Variants in FOXP1 observed in about 807,000 individuals in gnomAD.
FOXP1 encodes forkhead box protein P1.
In FOXP1, 15 loss-of-function variants were observed where a neutral mutation model predicts 98.2. The ratio of observed to expected loss-of-function variants is 0.15; its 90% confidence interval spans 0.10 to 0.24. FOXP1 has a LOEUF of 0.24. FOXP1 is among the 10% of genes least tolerant of loss of function. FOXP1 has a pLI of 1.00. For missense variants in FOXP1, 633 were observed against 848.5 expected (o/e 0.75, Z 3.15); for synonymous variants, 371 against 314.5 (o/e 1.18, Z -1.90).
At chr3:71,229,859 G>T (rs946018228) in intron 5 of FOXP1, among the ~76,000 whole-genome samples, 14 of 152,120 alleles carry the variant, frequency 9.2e-5, no homozygotes, top group Non-Finnish European at 1.5e-4. Flanking sequence ...TGACAGAGGA[G>T]CCCATTCTGT....
At chr3:71,158,879 G>A (rs1323037759) in intron 6 of FOXP1, among the ~76,000 whole-genome samples, 1 of 151,980 alleles carries the variant, frequency 6.6e-6, no homozygotes, top group Non-Finnish European at 1.5e-5. Flanking sequence ...GCCAAGGTGG[G>A]TCATCACTTG....
At chr3:71,393,723 T>C (rs192297785) in intron 3 of FOXP1, among the ~76,000 whole-genome samples, 57 of 152,336 alleles carry the variant, frequency 3.7e-4, no homozygotes, top group African/African-American at 1.3e-3. Flanking sequence ...AGATAATCTT[T>C]TGAAAGGGTG....
intron 17 of FOXP1, among the ~76,000 whole-genome samples, chr3:70,973,441 A>C (rs1335131623): frequency 6.6e-6 from 1 of 152,212 alleles, no homozygotes; most frequent in East Asian, 1.9e-4. Context: ...TTATGGTTAA[A>C]AGTCCTTTCT....
chr3:70,967,687 GT>G (rs67711426), intron 19 of FOXP1, among the ~76,000 whole-genome samples: 22,058 of 60,426 alleles, frequency 0.37, 2,809 homozygotes, highest in African/African-American at 0.51. Flanking sequence ...ACTATTATTT[GT>G]TTTTTTTTTT....
At chr3:71,158,626 T>C (rs1221274582) in intron 6 of FOXP1, among the ~76,000 whole-genome samples, 1 of 142,266 alleles carries the variant, frequency 7.0e-6, no homozygotes, top group Non-Finnish European at 1.5e-5. Flanking sequence ...GTAAATAACA[T>C]AACAGAAGTA....
At chr3:71,435,019 T>C (rs1414135747) in intron 3 of FOXP1, among the ~76,000 whole-genome samples, 1 of 151,682 alleles carries the variant, frequency 6.6e-6, no homozygotes, top group Non-Finnish European at 1.5e-5. Flanking sequence ...TATTCAGCTT[T>C]ACGGCATGTC....
chr3:71,378,802 T>A (rs2079922431), intron 3 of FOXP1, among the ~76,000 whole-genome samples: 1 of 152,050 alleles, frequency 6.6e-6, no homozygotes, highest in African/African-American at 2.4e-5. Context: ...ATAAATTAAA[T>A]CTTATCATAT....
intron 3 of FOXP1, among the ~76,000 whole-genome samples, chr3:71,395,876 G>T (rs1393767992): frequency 6.6e-6 from 1 of 152,048 alleles, no homozygotes; most frequent in Non-Finnish European, 1.5e-5. Flanking sequence ...TAATGGGGGG[G>T]TTGGTTATGA....
intron 4 of FOXP1, among the ~76,000 whole-genome samples, chr3:71,326,096 CTT>C (rs2075674855): frequency 6.6e-6 from 1 of 152,106 alleles, no homozygotes; most frequent in African/African-American, 2.4e-5. Flanking sequence ...CCAAATTTCT[CTT>C]TTCGTTATAC....
intron 2 of FOXP1, among the ~76,000 whole-genome samples, chr3:71,553,619 G>T (rs958556585): frequency 7.9e-5 from 12 of 152,112 alleles, no homozygotes; most frequent in African/African-American, 2.9e-4. Context: ...AGTCTCAAAA[G>T]AAATTGTGTA....
intron 5 of FOXP1, among the ~76,000 whole-genome samples, chr3:71,246,473 C>G (rs2067760093): frequency 6.6e-6 from 1 of 152,292 alleles, no homozygotes; most frequent in East Asian, 1.9e-4. Context: ...AAGAGTTCCT[C>G]CCTAGCCTGG....
At chr3:71,210,144 C>A (rs2064343383) in intron 5 of FOXP1, among the ~76,000 whole-genome samples, 1 of 152,170 alleles carries the variant, frequency 6.6e-6, no homozygotes, top group Non-Finnish European at 1.5e-5. Context: ...AAGAAAGTAA[C>A]AAAAATTGTG....
rs67711426 is a variant in FOXP1, at chr3:70,967,687, GTT to G, written c.1723-1633_1723-1632del. Among the ~76,000 whole-genome samples, 80 of 61,340 alleles carry G rather than the reference GTT, an allele frequency of 1.3e-3. No individual in the cohort carries two copies. The East Asian group carries it at 0.017, about 13-fold the overall frequency. 40.2% of individuals were successfully genotyped at this position (61,340 alleles called of 152,430 possible). Reference sequence around the variant, plus strand: ...GCAGTTGCCAGAACTACTATTATTTGTTTTTTTTTTTTGTTTTTTTTTGTTTT... The same window carrying G: ...GCAGTTGCCAGAACTACTATTATTTGTTTTTTTTTTGTTTTTTTTTGTTTT... On this transcript the variant is annotated intron_variant, in intron 19 of 20. Transcript: ENST00000649528.
At chr3:70,971,079 G>A in intron 18 of FOXP1, 1 of 430,248 alleles carries the variant, frequency 2.3e-6, no homozygotes, top group African/African-American at 2.0e-5. Context: ...AGACCTCTCT[G>A]CAGATTTTTA....
intron 9 of FOXP1, among the ~76,000 whole-genome samples, chr3:71,049,241 C>T (rs986293565): frequency 6.6e-6 from 1 of 152,134 alleles, no homozygotes; most frequent in Non-Finnish European, 1.5e-5. Context: ...TCGGCTACTC[C>T]CTACTGCCTA....
chr3:71,488,802 C>T (rs544082537), intron 3 of FOXP1, among the ~76,000 whole-genome samples: 58 of 152,294 alleles, frequency 3.8e-4, no homozygotes, highest in Non-Finnish European at 5.3e-4. Flanking sequence ...TAAATCTAGC[C>T]TCTCTTTATG....
chr3:71,570,333 A>T (rs1289147807), intron 2 of FOXP1: 1 of 150,072 alleles, frequency 6.7e-6, no homozygotes, highest in Admixed American at 6.6e-5. Flanking sequence ...ACAATCTAGG[A>T]TTATTTTGAA....
chr3:71,429,627 AGACT>A (rs1228362844), intron 3 of FOXP1, among the ~76,000 whole-genome samples: 6 of 152,344 alleles, frequency 3.9e-5, no homozygotes, highest in Non-Finnish European at 7.4e-5. Flanking sequence ...AGGAAATGTT[AGACT>A]GATTGTATAA....
In FOXP1 at chr3:71,522,782, A is replaced by G. The variant is rs373666304; in HGVS notation, c.-297-29227T>C. Among the ~76,000 whole-genome samples the G allele has an allele frequency of 2.5e-3, 384 of 152,300 alleles. 10 individuals carry two copies. The South Asian group carries it at 0.073, about 29-fold the overall frequency. On this transcript the variant is annotated intron_variant, in intron 2 of 20. Coordinates refer to ENST00000649528, the MANE Select transcript of FOXP1 (RefSeq NM_001349338.3). ...ATCTGTGTCTGATGTTTGCACACAG[A>G]GAATGCAGTGGTCTCAAGCTGGGAT...
Sources: gnomAD v4.1 joint callset for allele counts (sites outside exome capture counted in the v4.1 genomes callset) on GRCh38, gnomAD v4.1.1 for gene constraint, MANE v1.5 for transcripts, NCBI Gene and HGNC (gene_info 2026-07-23, HGNC 2026-07-21) for gene names.